Variants in STK24 observed in about 807,000 individuals in gnomAD.
The protein encoded by STK24 is serine/threonine-protein kinase 24.
In STK24, 21 loss-of-function variants were observed where a neutral mutation model predicts 55.6. That is an observed-to-expected ratio of 0.38 (90% confidence interval 0.27 to 0.54). STK24 has a LOEUF of 0.54. Among genes scored for constraint, STK24 ranks in the 20% least tolerant of loss-of-function variants. The pLI is 0.79. For missense variants in STK24, 383 were observed against 538.4 expected (o/e 0.71, Z 2.86); for synonymous variants, 200 against 215.2 (o/e 0.93, Z 0.62).
chr13:98,481,987 T>C (rs1195535890), intron 3 of STK24, among the ~76,000 whole-genome samples: 1 of 151,158 alleles, frequency 6.6e-6, no homozygotes, highest in East Asian at 1.9e-4. Context: ...AAATCGCTTG[T>C]ACCCAGGAAG....
At chr13:98,460,728 G>C (rs1161016324) in intron 8 of STK24, among the ~76,000 whole-genome samples, 13 of 152,260 alleles carry the variant, frequency 8.5e-5, no homozygotes, top group African/African-American at 3.1e-4. Context: ...GAACTGCCTC[G>C]TCTTGCTATC....
chr13:98,567,194 G>T (rs1352236492), intron 1 of STK24, among the ~76,000 whole-genome samples: 1 of 152,202 alleles, frequency 6.6e-6, no homozygotes, highest in Non-Finnish European at 1.5e-5. Flanking sequence ...CCAGCGCTGT[G>T]CAGTGCCCCC....
At chr13:98,495,724 T>A (rs1319597423) in intron 2 of STK24, among the ~76,000 whole-genome samples, 1 of 152,242 alleles carries the variant, frequency 6.6e-6, no homozygotes, top group Non-Finnish European at 1.5e-5. Flanking sequence ...AGATCTTTTA[T>A]ATTATCTTCG....
chr13:98,575,353 A>ATATT (rs544586386), intron 1 of STK24, among the ~76,000 whole-genome samples: 1 of 152,072 alleles, frequency 6.6e-6, no homozygotes, highest in African/African-American at 2.4e-5. Flanking sequence ...GCTTAAATGT[A>ATATT]TATTTATTTA....
chr13:98,489,337 C>T (rs1894930774), intron 2 of STK24, among the ~76,000 whole-genome samples: 1 of 152,192 alleles, frequency 6.6e-6, no homozygotes, highest in African/African-American at 2.4e-5. Context: ...CCTATTTTAC[C>T]TTCAGAGCAG....
rs1897357798 is a variant in STK24, at chr13:98,559,363, G to A, written c.42+17382C>T. Among the ~76,000 whole-genome samples the A allele has an allele frequency of 3.9e-5, 6 of 152,052 alleles. No homozygotes were observed. In the South Asian group the frequency reaches 1.2e-3, roughly 31 times the overall value. On this transcript the variant is annotated intron_variant, in intron 1 of 10. Transcript: ENST00000539966. ...GACACTAAGTCTCACAAGATCTGAT[G>A]GTTTTATAAAGGGCAGTTCCCCTGC...
intron 2 of STK24, among the ~76,000 whole-genome samples, chr13:98,506,224 G>A (rs771383430): frequency 1.3e-5 from 2 of 152,164 alleles, no homozygotes; most frequent in South Asian, 2.1e-4. Context: ...AGAGCCCGAC[G>A]GGTCTGAACT....
chr13:98,504,671 G>A (rs1594619807), intron 2 of STK24, among the ~76,000 whole-genome samples: 1 of 152,270 alleles, frequency 6.6e-6, no homozygotes, highest in Admixed American at 6.5e-5. Context: ...ACTATCTCAG[G>A]GGAACTCCCT....
rs532033894 is a variant in STK24, at chr13:98,484,045, A to G, written c.274-1724T>C. Among the ~76,000 whole-genome samples the G allele has an allele frequency of 3.9e-5, 6 of 152,376 alleles. No homozygotes were observed. In the East Asian group the frequency reaches 1.2e-3, roughly 29 times the overall value. ...GAATGATGTGTCTGACACCCAACTC[A>G]GAGGGACAGGCATGTCGCTCATTCA... On this transcript the variant is annotated intron_variant, in intron 2 of 10. Transcript: ENST00000539966.
At chr13:98,465,329 C>T (rs1302844022) in intron 6 of STK24, among the ~76,000 whole-genome samples, 1 of 152,244 alleles carries the variant, frequency 6.6e-6, no homozygotes, top group Non-Finnish European at 1.5e-5. Context: ...CTCATATTCT[C>T]GCCTCTCAGC....
At position 98,451,173 on chromosome 13, in the gene STK24, TC is replaced by T. The variant is rs1566336459; in HGVS notation, c.*1999del. 1 of 152,106 alleles carries T rather than the reference TC, an allele frequency of 6.6e-6. No individual in the cohort carries two copies. Among genetic ancestry groups the T allele is most frequent in the African/African-American group, 2.4e-5 (1 of 41,404 alleles). 9.4% of individuals were successfully genotyped at this position (152,106 alleles called of 1,614,324 possible). On this transcript the variant is annotated 3_prime_UTR_variant, in exon 11 of 11. Transcript: ENST00000539966. ...TTGTAAATCTGAAGAACTCTGTAAA[TC>T]AGAAAAGCTGCTGTCCGCCCTGGCT... is the stretch of plus-strand genomic sequence containing the variant.
At chr13:98,477,589 C>T (rs527851156) in intron 3 of STK24, among the ~76,000 whole-genome samples, 74 of 151,726 alleles carry the variant, frequency 4.9e-4, no homozygotes, top group African/African-American at 1.8e-3. Context: ...GCAGGAGAAT[C>T]GCTTGAACCC....
intron 1 of STK24, among the ~76,000 whole-genome samples, chr13:98,527,637 T>C (rs1271858180): frequency 6.6e-6 from 1 of 151,914 alleles, no homozygotes; most frequent in African/African-American, 2.4e-5. Flanking sequence ...CTTGAACGAC[T>C]GGGGAGGGCA....
At chr13:98,479,821 A>G (rs1168930812) in intron 3 of STK24, among the ~76,000 whole-genome samples, 1 of 152,232 alleles carries the variant, frequency 6.6e-6, no homozygotes, top group Non-Finnish European at 1.5e-5. Context: ...CCTTCCCAAG[A>G]AAGTGTGGCC....
intron 2 of STK24, among the ~76,000 whole-genome samples, chr13:98,493,839 AT>A (rs781025749): frequency 0.03 from 4,227 of 141,468 alleles, 183 homozygotes; most frequent in African/African-American, 0.097. Flanking sequence ...CAAAAAAAAA[AT>A]TTTTTTTTTT....
At chr13:98,489,917 G>A (rs1594605146) in intron 2 of STK24, among the ~76,000 whole-genome samples, 1 of 152,212 alleles carries the variant, frequency 6.6e-6, no homozygotes, top group African/African-American at 2.4e-5. Flanking sequence ...AAGTAAGAGC[G>A]AGGAGAAAAG....
At chr13:98,462,698 T>A (rs1893760524) in intron 7 of STK24, among the ~76,000 whole-genome samples, 1 of 152,104 alleles carries the variant, frequency 6.6e-6, no homozygotes, top group Non-Finnish European at 1.5e-5. Context: ...CCTGCCCAGC[T>A]TTCTCACCTG....
chr13:98,576,162 G>T, intron 1 of STK24: 4 of 985,206 alleles, frequency 4.1e-6, no homozygotes, highest in Non-Finnish European at 4.8e-6. Flanking sequence ...GCAGGTGCAC[G>T]GGGGCTCCGG....
chr13:98,544,334 C>A (rs1243193646), intron 1 of STK24, among the ~76,000 whole-genome samples: 2 of 152,216 alleles, frequency 1.3e-5, no homozygotes, highest in African/African-American at 4.8e-5. Context: ...CCCCAGCAGG[C>A]CTGGCCCACG....
Sources: allele counts gnomAD v4.1 joint callset (sites outside exome capture counted in the v4.1 genomes callset), GRCh38; gene constraint gnomAD v4.1.1; transcripts MANE v1.5; gene names NCBI Gene and HGNC (gene_info 2026-07-23, HGNC 2026-07-21).